The following AKAP8L variants were observed in gnomAD, a reference collection of about 807,000 sequenced individuals.
AKAP8L encodes the protein A-kinase anchoring protein 8 like.
Under a neutral mutation model 77.5 loss-of-function variants are expected in AKAP8L, and 34 were observed. That is an observed-to-expected ratio of 0.44 (90% CI 0.33 to 0.58). The LOEUF is 0.58. Among genes scored for constraint, AKAP8L ranks in the 20% least tolerant of loss-of-function variants. The pLI is 0.02. For synonymous variants in AKAP8L, 342 were observed against 340.7 expected, an observed-to-expected ratio of 1.00 and a Z score of -0.04; for missense variants, 806 against 887.6, an observed-to-expected ratio of 0.91 and a Z score of 1.17.
intron 12 of AKAP8L, among the ~76,000 whole-genome samples, chr19:15,383,021 TATAAACTGGAAATCC>T (rs1431687537): frequency 6.6e-6 from 1 of 152,192 alleles, no homozygotes; most frequent in African/African-American, 2.4e-5. Flanking sequence ...ATCCCTTATC[TATAAACTGGAAATCC>T]AAAAGGCTCT....
At chr19:15,412,960 C>G (rs1255756805) in intron 1 of AKAP8L, among the ~76,000 whole-genome samples, 1 of 152,210 alleles carries the variant, frequency 6.6e-6, no homozygotes, top group Non-Finnish European at 1.5e-5. Flanking sequence ...AAAGCCTATG[C>G]CTTTAACAGC....
rs1003165801 is a variant in AKAP8L at position 15,400,212 on chromosome 19, G to A, written c.1048+83C>T. The stretch of plus-strand genomic sequence containing the variant: ...GTCCCCAACTGGCCGCATGTCTGCC[G>A]CAACCCTGCCCTCAGCTGGGTCCCT... On this transcript the variant is annotated intron_variant, in intron 8 of 13. Coordinates refer to ENST00000397410, the MANE Select transcript of AKAP8L (RefSeq NM_014371.4). 384 of 1,461,072 alleles carry A rather than the reference G, an allele frequency of 2.6e-4. 3 individuals carry two copies. Among genetic ancestry groups the A allele is most frequent in the Admixed American group, 6.6e-4 (39 of 58,842 alleles). The allele number at this position is 1,461,072 out of a possible 1,614,324, so 90.5% of individuals were successfully genotyped here.
chr19:15,399,442 T>TGGCTCTGCCAGGACAGGGCA lies in AKAP8L; in HGVS notation c.1049-52_1049-33dup, dbSNP rs1474301816. The stretch of plus-strand genomic sequence containing the variant: ...GAGCAGATGGGCACTGTCACCAATT[T>TGGCTCTGCCAGGACAGGGCA]GGCTCTGCCAGGACAGGGCAGGCCC... On this transcript the variant is annotated intron_variant, in intron 8 of 13. Coordinates refer to ENST00000397410, the MANE Select transcript of AKAP8L (RefSeq NM_014371.4). The surrounding 1 kb of genome is among the most constrained non-coding windows in gnomAD (Gnocchi z 6.1). 2 of 1,560,638 alleles carry TGGCTCTGCCAGGACAGGGCA rather than the reference T, an allele frequency of 1.3e-6. No individual in the cohort carries two copies. Among genetic ancestry groups the TGGCTCTGCCAGGACAGGGCA allele is most frequent in the African/African-American group, 2.7e-5 (2 of 73,990 alleles).
chr19:15,417,267 C>T (rs1968223329), intron 1 of AKAP8L, among the ~76,000 whole-genome samples: 1 of 152,160 alleles, frequency 6.6e-6, no homozygotes, highest in African/African-American at 2.4e-5. Context: ...AACTGTCTTC[C>T]AGTTCTTGGT....
chr19:15,400,252 CTG>C (rs755395783), intron 8 of AKAP8L, 41 bp downstream of exon 8: 2 of 1,609,328 alleles, frequency 1.2e-6, no homozygotes, highest in Non-Finnish European at 1.7e-6. Flanking sequence ...CTGTGAGCCC[CTG>C]GAAGAGCCGC....
intron 12 of AKAP8L, chr19:15,383,850 C>T (rs751372539): frequency 6.6e-6 from 1 of 151,288 alleles, no homozygotes; most frequent in Non-Finnish European, 1.5e-5. Context: ...TTGGAGAGAA[C>T]TGGTTTTTGT....
rs1967834053 is a variant in AKAP8L, at chr19:15,399,052, G to A, written c.1157+250C>T. ...AGTGACCTAGCGCCAGAGCTTCTGA[G>A]CAACGGTGCCGAGCGGTGTCAGGTC... On this transcript the variant is annotated intron_variant, in intron 9 of 13. Transcript: ENST00000397410. This position sits in a 1 kb window ranked among gnomAD's most constrained non-coding sequence, Gnocchi z 6.1. 2 of 526,586 alleles carry A rather than the reference G, an allele frequency of 3.8e-6. No homozygotes were observed. The highest frequency in any genetic ancestry group is 6.8e-6 in the Non-Finnish European group (2 of 293,080). 32.6% of individuals were successfully genotyped at this position (526,586 alleles called of 1,614,324 possible).
At chr19:15,414,336 C>A (rs1278942406) in intron 1 of AKAP8L, among the ~76,000 whole-genome samples, 1 of 152,116 alleles carries the variant, frequency 6.6e-6, no homozygotes. Context: ...GGATTACAGG[C>A]GTGAGCCACC....
chr19:15,393,270 C>T (rs1967701675), intron 12 of AKAP8L, among the ~76,000 whole-genome samples: 1 of 152,066 alleles, frequency 6.6e-6, no homozygotes, highest in Admixed American at 6.6e-5. Context: ...ATCTTCGTGA[C>T]CTTGGATTTA....
In AKAP8L at chr19:15,397,660, TATG is replaced by T; in HGVS notation, c.1300-38_1300-36del. 2 of 1,614,002 alleles carry T rather than the reference TATG, an allele frequency of 1.2e-6. No homozygotes were observed. Among genetic ancestry groups the T allele is most frequent in the South Asian group, 2.2e-5 (2 of 91,082 alleles). The stretch of plus-strand genomic sequence containing the variant: ...ATATAAAGGTTCATGTGGGCCGCCT[TATG>T]TTCTCAGGGGTCCAAGAAACTAAGA... On this transcript the variant is annotated intron_variant, in intron 10 of 13. Transcript: ENST00000397410. The surrounding 1 kb of genome is among the most constrained non-coding windows in gnomAD (Gnocchi z 4.7).
rs1967909708 is a variant in AKAP8L, at chr19:15,401,932, G to A, written c.363-329C>T. Among the ~76,000 whole-genome samples the A allele has an allele frequency of 6.6e-6, 1 of 152,182 alleles. No homozygotes were observed. The highest frequency in any genetic ancestry group is 2.4e-5 in the African/African-American group (1 of 41,434). ...TTTGGGAACATGTACACCATCTGTG[G>A]GAGCTGCAACGCCCAAGGCTGCTCC... On this transcript the variant is annotated intron_variant, in intron 4 of 13. Coordinates refer to ENST00000397410, the MANE Select transcript of AKAP8L (RefSeq NM_014371.4). This position sits in a 1 kb window ranked among gnomAD's most constrained non-coding sequence, Gnocchi z 6.2.
At chr19:15,391,514 ATT>A (rs1386943186) in intron 12 of AKAP8L, among the ~76,000 whole-genome samples, 2 of 51,536 alleles carry the variant, frequency 3.9e-5, no homozygotes, top group African/African-American at 1.9e-4. Flanking sequence ...AATAAACATT[ATT>A]TTATGTTTTT....
rs555376313 is a variant in AKAP8L, at chr19:15,388,936, C to G, written c.1536+8214G>C. Among the ~76,000 whole-genome samples, 6 of 146,102 alleles carry G rather than the reference C, an allele frequency of 4.1e-5. No individual in the cohort carries two copies. The East Asian group carries it at 1.2e-3, about 30-fold the overall frequency. ...ATCTCTAAAAAAGAGTGAACTTGGC[C>G]GAGCTCGGTGGCTCACGCCTATAAT... On this transcript the variant is annotated intron_variant, in intron 12 of 13. Coordinates refer to ENST00000397410, the MANE Select transcript of AKAP8L (RefSeq NM_014371.4).
chr19:15,411,976 G>A lies in AKAP8L; in HGVS notation c.14-1382C>T, dbSNP rs185077110. On this transcript the variant is annotated intron_variant, in intron 1 of 13. Transcript: ENST00000397410. ...TGTAATCCCAGCACTTTGGGCGGCC[G>A]AGGCAGGTGGATCACGAGGTTAGGA... Among the ~76,000 whole-genome samples, 4 of 152,288 alleles carry A rather than the reference G, an allele frequency of 2.6e-5. No homozygotes were observed. In the East Asian group the frequency reaches 5.8e-4, roughly 22 times the overall value.
chr19:15,418,785 C>G lies in AKAP8L; in HGVS notation c.13+126G>C, dbSNP rs1293233252. The G allele has an allele frequency of 7.5e-6, 7 of 929,724 alleles. No homozygotes were observed. In the African/African-American group the frequency reaches 1.2e-4, roughly 15 times the overall value. 57.6% of individuals were successfully genotyped at this position (929,724 alleles called of 1,614,324 possible). The stretch of plus-strand genomic sequence containing the variant: ...ACCCTGAGGCGACGGGCCAGCGGCG[C>G]CATTTTGTGACCGCAGGGAAGGCAG... On this transcript the variant is annotated intron_variant, in intron 1 of 13. Transcript: ENST00000397410.
In AKAP8L at chr19:15,399,129, G is replaced by A. The variant is rs958221960; in HGVS notation, c.1157+173C>T. 4.7e-6 allele frequency: 3 copies of A among 631,916 alleles called. No homozygotes were observed. Among genetic ancestry groups the A allele is most frequent in the African/African-American group, 1.8e-5 (1 of 54,426 alleles). 39.1% of individuals were successfully genotyped at this position (631,916 alleles called of 1,614,324 possible). A position where few individuals can be genotyped will look rare whatever the true frequency, so the allele number is the denominator to read the frequency against. ...AGGCGGCCGCAGAGGGGCAGGGGAT[G>A]AGTCAGGCCTTGGGAGCTGGGCCTG... On this transcript the variant is annotated intron_variant, in intron 9 of 13. Transcript: ENST00000397410. The surrounding 1 kb of genome is among the most constrained non-coding windows in gnomAD (Gnocchi z 6.1).
intron 2 of AKAP8L, among the ~76,000 whole-genome samples, chr19:15,408,753 G>A (rs1271446368): frequency 4.0e-5 from 6 of 150,610 alleles, no homozygotes; most frequent in African/African-American, 1.5e-4. Context: ...GCGTGGTGGC[G>A]GGCAACTGCT....
intron 12 of AKAP8L, among the ~76,000 whole-genome samples, chr19:15,384,592 T>G (rs888832813): frequency 6.6e-6 from 1 of 152,108 alleles, no homozygotes; most frequent in Non-Finnish European, 1.5e-5. Context: ...TGAGCCACCA[T>G]GCCTGGCCCT....
At chr19:15,391,640 G>A (rs1055823401) in intron 12 of AKAP8L, among the ~76,000 whole-genome samples, 16 of 150,956 alleles carry the variant, frequency 1.1e-4, no homozygotes, top group African/African-American at 2.9e-4. Flanking sequence ...CCGGGTTCAC[G>A]CCATTCTCCT....
Sources: allele counts gnomAD v4.1 joint callset (sites outside exome capture counted in the v4.1 genomes callset), GRCh38; gene constraint gnomAD v4.1.1; non-coding constraint Gnocchi (gnomAD v3.1); transcripts MANE v1.5; gene names NCBI Gene and HGNC (gene_info 2026-07-23, HGNC 2026-07-21).